The following NAV2 variants were observed in gnomAD, a reference collection of about 807,000 sequenced individuals.
The protein encoded by NAV2 is neuron navigator 2.
NAV2 carries 54 observed loss-of-function variants against 223.2 expected under a neutral mutation model. The observed-to-expected ratio is 0.24, with a 90% CI of 0.19 to 0.30. The LOEUF (loss-of-function observed/expected upper bound fraction) is 0.30, where lower values mean the gene tolerates loss of function less well. Ranked by LOEUF, NAV2 falls within the 10% of genes least tolerant of loss-of-function variation. NAV2 has a pLI of 1.00. For synonymous variants in NAV2, 1,279 were observed against 1,239.3 expected (o/e 1.03, Z -0.67); for missense variants, 2,806 against 3,147.5 (o/e 0.89, Z 2.60).
At chr11:19,843,799 C>T (rs889965099) in intron 3 of NAV2, among the ~76,000 whole-genome samples, 4 of 151,394 alleles carry the variant, frequency 2.6e-5, no homozygotes, top group Non-Finnish European at 5.9e-5. Flanking sequence ...TCTGTAACCC[C>T]ATCCTACCTC....
chr11:19,462,830 G>T (rs558873786), intron 1 of NAV2, among the ~76,000 whole-genome samples: 1 of 152,260 alleles, frequency 6.6e-6, no homozygotes, highest in South Asian at 2.1e-4. Flanking sequence ...GTCTTGATAC[G>T]TGCGTGCTAG....
intron 1 of NAV2, among the ~76,000 whole-genome samples, chr11:19,469,460 G>A (rs1170153082): frequency 6.6e-6 from 1 of 152,152 alleles, no homozygotes; most frequent in Non-Finnish European, 1.5e-5. Flanking sequence ...CATTCCTAGA[G>A]CCCATTTCCA....
upstream of NAV2, among the ~76,000 whole-genome samples, chr11:19,349,330 C>G (rs1186793863): frequency 6.6e-6 from 1 of 152,216 alleles, no homozygotes; most frequent in South Asian, 2.1e-4. Context: ...TCCTTCTCCT[C>G]CTCCTCCTCC....
intron 1 of NAV2, among the ~76,000 whole-genome samples, chr11:19,479,955 G>C (rs1012666134): frequency 6.6e-6 from 1 of 152,130 alleles, no homozygotes; most frequent in African/African-American, 2.4e-5. Flanking sequence ...CTGCAGATTG[G>C]CAAACTTGTT....
chr11:19,657,420 T>A (rs2135706484), intron 1 of NAV2, among the ~76,000 whole-genome samples: 1 of 152,350 alleles, frequency 6.6e-6, no homozygotes, highest in Middle Eastern at 3.4e-3. Flanking sequence ...ATTTGAGGAT[T>A]TGAACTCAAG....
intron 13 of NAV2, 96 bp downstream of exon 13, chr11:20,044,368 T>C: frequency 8.9e-7 from 1 of 1,125,556 alleles, no homozygotes; most frequent in Non-Finnish European, 1.2e-6. Context: ...ATATTTTGTC[T>C]CAGGATTTAT....
rs114884797 is a variant in NAV2 at position 19,692,185 on chromosome 11, C to T, written c.76-140299C>T. On this transcript the variant is annotated intron_variant, in intron 1 of 37. Transcript: ENST00000360655. ...GCAGACTCACTGGGAGAAAGACCCA[C>T]ACTGGCTGAGGGCCTCACCACCGGG... is the stretch of plus-strand genomic sequence containing the variant. 6.2e-3 allele frequency among the ~76,000 whole-genome samples: 937 copies of T among 152,346 alleles called. 11 individuals carry two copies. Among genetic ancestry groups the T allele is most frequent in the African/African-American group, 0.022 (895 of 41,574 alleles).
rs146602043 is a variant in NAV2, at chr11:19,380,124, G to C, written c.75+29097G>C. ...CCTTATTGTTGCCATGTTACTTGCA[G>C]TTAACCATGTAAGTGGAATCTTTTT... On this transcript the variant is annotated intron_variant, in intron 1 of 37. Coordinates refer to the NAV2 transcript ENST00000360655. Among the ~76,000 whole-genome samples the C allele has an allele frequency of 5.4e-3, 826 of 152,230 alleles. 8 individuals are homozygous for C. Among genetic ancestry groups the C allele is most frequent in the African/African-American group, 0.014 (566 of 41,524 alleles).
intron 11 of NAV2, among the ~76,000 whole-genome samples, chr11:20,012,372 A>G (rs1312991958): frequency 2.6e-5 from 4 of 152,222 alleles, no homozygotes; most frequent in African/African-American, 9.6e-5. Context: ...GATGGTGCCT[A>G]CTGATAGAAT....
chr11:19,789,121 A>C (rs1045920511), intron 1 of NAV2, among the ~76,000 whole-genome samples: 2 of 152,144 alleles, frequency 1.3e-5, no homozygotes, highest in African/African-American at 4.8e-5. Flanking sequence ...TGAGGAAGAG[A>C]GACACCATTT....
intron 1 of NAV2, among the ~76,000 whole-genome samples, chr11:19,398,648 C>G (rs1308662965): frequency 6.6e-6 from 1 of 152,194 alleles, no homozygotes; most frequent in Non-Finnish European, 1.5e-5. Flanking sequence ...CTCCAACCTT[C>G]TGGGTGTCCT....
At chr11:19,923,554 A>G (rs926317634) in intron 6 of NAV2, among the ~76,000 whole-genome samples, 6 of 152,228 alleles carry the variant, frequency 3.9e-5, no homozygotes, top group African/African-American at 9.6e-5. Context: ...CCTTGCCCCA[A>G]TAGAAAGCAG....
intron 1 of NAV2, among the ~76,000 whole-genome samples, chr11:19,767,324 G>A (rs1057198014): frequency 4.6e-5 from 7 of 152,196 alleles, no homozygotes; most frequent in South Asian, 4.1e-4. Flanking sequence ...TCACAGCCCT[G>A]TCTCAGGAGC....
intron 1 of NAV2, among the ~76,000 whole-genome samples, chr11:19,822,949 G>T (rs1265836052): frequency 6.6e-6 from 1 of 152,084 alleles, no homozygotes; most frequent in African/African-American, 2.4e-5. Context: ...TGTACCCTGG[G>T]GCAGCTCAAA....
chr11:19,473,120 T>G (rs1428271034), intron 1 of NAV2, among the ~76,000 whole-genome samples: 1 of 152,196 alleles, frequency 6.6e-6, no homozygotes, highest in Non-Finnish European at 1.5e-5. Flanking sequence ...TTGCTGATTT[T>G]CCCAGCCATG....
intron 11 of NAV2, among the ~76,000 whole-genome samples, chr11:20,001,883 G>C (rs2052588760): frequency 6.6e-6 from 1 of 151,824 alleles, no homozygotes; most frequent in Non-Finnish European, 1.5e-5. Context: ...AAGCCTCCCT[G>C]AGATGATGTG....
rs528196222 is a variant in NAV2 at position 19,555,134 on chromosome 11, G to A, written c.75+204107G>A. ...TTGGGTTCCCCGATAAACAGATTCT[G>A]AGACAGGGATCAATGTACAGGAAAT... On this transcript the variant is annotated intron_variant, in intron 1 of 37. Transcript: ENST00000360655. 8.5e-5 allele frequency among the ~76,000 whole-genome samples: 13 copies of A among 152,202 alleles called. No individual in the cohort carries two copies. In the South Asian group the frequency reaches 2.7e-3, roughly 32 times the overall value.
chr11:19,676,736 G>A (rs931070956), intron 1 of NAV2, among the ~76,000 whole-genome samples: 1 of 152,200 alleles, frequency 6.6e-6, no homozygotes, highest in Non-Finnish European at 1.5e-5. Flanking sequence ...AGAGAACCAG[G>A]CTGTCCCAGG....
Position 19,417,534 on chromosome 11 carries a change from C to T in NAV2, c.75+66507C>T, listed in dbSNP as rs139687179. Among the ~76,000 whole-genome samples the T allele has an allele frequency of 9.4e-3, 1,431 of 152,236 alleles. 17 individuals are homozygous for T. Among genetic ancestry groups the T allele is most frequent in the African/African-American group, 0.032 (1,345 of 41,544 alleles). ...AGTTCAATCATTATGGAAGGCAGTG[C>T]GGTGATTCCTCAAGGATCTAGAACA... On this transcript the variant is annotated intron_variant, in intron 1 of 37. Transcript: ENST00000360655.
Sources: allele counts gnomAD v4.1 joint callset (sites outside exome capture counted in the v4.1 genomes callset), GRCh38; gene constraint gnomAD v4.1.1; transcripts MANE v1.5; gene names NCBI Gene and HGNC (gene_info 2026-07-23, HGNC 2026-07-21).